The following ALK variants were observed in gnomAD, a reference collection of about 807,000 sequenced individuals.
The protein encoded by ALK is ALK tyrosine kinase receptor.
ALK carries 74 observed loss-of-function variants against 163.1 expected under a neutral mutation model. The observed-to-expected ratio is 0.45, with a 90% CI of 0.38 to 0.55. The LOEUF is 0.55. Among genes scored for constraint, ALK ranks in the 20% least tolerant of loss-of-function variants. The pLI is 0.00. For synonymous variants in ALK, 960 were observed against 843.2 expected (o/e 1.14, Z -2.40); for missense variants, 2,063 against 2,105.3 (o/e 0.98, Z 0.39).
chr2:29,346,466 C>T (rs1161645792), intron 5 of ALK, among the ~76,000 whole-genome samples: 2 of 152,210 alleles, frequency 1.3e-5, no homozygotes, highest in Admixed American at 6.5e-5. Flanking sequence ...CAGGCCTGGG[C>T]CACCAAGCTG....
At chr2:29,405,449 G>A (rs770544391) in intron 4 of ALK, among the ~76,000 whole-genome samples, 9 of 152,162 alleles carry the variant, frequency 5.9e-5, no homozygotes, top group Non-Finnish European at 1.0e-4. Context: ...GGAGCTCTGC[G>A]GTGGGTGGAA....
chr2:29,239,460 A>C (rs1384310992), intron 13 of ALK, among the ~76,000 whole-genome samples: 1 of 152,038 alleles, frequency 6.6e-6, no homozygotes, highest in Non-Finnish European at 1.5e-5. Context: ...AGTTCCTGCT[A>C]GGATGGCCAG....
intron 5 of ALK, among the ~76,000 whole-genome samples, chr2:29,379,186 G>A (rs908151736): frequency 6.6e-6 from 1 of 152,192 alleles, no homozygotes; most frequent in East Asian, 1.9e-4. Flanking sequence ...TTCCCTGGGA[G>A]CCCAGGCATG....
intron 3 of ALK, among the ~76,000 whole-genome samples, chr2:29,616,982 ACACCTGGTGAATATGTACAGTGATATT>A (rs1328537155): frequency 6.6e-6 from 1 of 152,186 alleles, no homozygotes; most frequent in African/African-American, 2.4e-5. Flanking sequence ...GCCTTCCTCC[ACACCTGGTGAATATGTACAGTGATATT>A]CACCTGGTGA....
chr2:29,389,209 CA>C (rs1192765811), intron 4 of ALK, among the ~76,000 whole-genome samples: 5 of 152,178 alleles, frequency 3.3e-5, no homozygotes, highest in African/African-American at 9.7e-5. Flanking sequence ...AAAGAATAAA[CA>C]TAGGTACCAA....
In ALK at chr2:29,246,881, G is replaced by A. The variant is rs1194282605; in HGVS notation, c.2204+4224C>T. 6.6e-6 allele frequency among the ~76,000 whole-genome samples: 1 copy of A among 152,134 alleles called. No individual in the cohort carries two copies. The highest frequency in any genetic ancestry group is 1.5e-5 in the Non-Finnish European group (1 of 68,028). ...CCCTCATGCTTTCACCAGGGGGAGC[G>A]AGAGGCCTTTTGGGGGGTAACACTG... is the stretch of plus-strand genomic sequence containing the variant. On this transcript the variant is annotated intron_variant, in intron 12 of 28. Coordinates refer to ENST00000389048, the MANE Select transcript of ALK (RefSeq NM_004304.5). The surrounding 1 kb of genome is among the most constrained non-coding windows in gnomAD (Gnocchi z 4.3).
chr2:29,553,867 C>T (rs1673776239), intron 3 of ALK, among the ~76,000 whole-genome samples: 1 of 152,076 alleles, frequency 6.6e-6, no homozygotes, highest in Admixed American at 6.6e-5. Flanking sequence ...TGTGAATTGT[C>T]TGTTTTTTTT....
chr2:29,743,549 T>C (rs139264499), intron 1 of ALK, among the ~76,000 whole-genome samples: 1 of 152,364 alleles, frequency 6.6e-6, no homozygotes, highest in Non-Finnish European at 1.5e-5. Flanking sequence ...TTGTCATTAG[T>C]GAGCCCCTGA....
At chr2:29,830,744 AAAAAAAAAAC>A (rs1339016185) in intron 1 of ALK, among the ~76,000 whole-genome samples, 3 of 100,140 alleles carry the variant, frequency 3.0e-5, no homozygotes, top group Non-Finnish European at 4.2e-5. Flanking sequence ...AAAAAAAAAA[AAAAAAAAAAC>A]TTAGCCAAGC....
At chr2:29,698,490 C>T (rs762765645) in intron 2 of ALK, among the ~76,000 whole-genome samples, 55 of 152,310 alleles carry the variant, frequency 3.6e-4, no homozygotes, top group Non-Finnish European at 7.2e-4. Flanking sequence ...CCCAAAGCTT[C>T]GACTTCTGCG....
intron 1 of ALK, among the ~76,000 whole-genome samples, chr2:29,738,404 T>C (rs563939908): frequency 2.0e-5 from 3 of 152,238 alleles, no homozygotes; most frequent in Non-Finnish European, 2.9e-5. Context: ...CTTCCACATT[T>C]ATGTCTTGAT....
intron 13 of ALK, among the ~76,000 whole-genome samples, chr2:29,236,820 A>C (rs1212927251): frequency 6.6e-6 from 1 of 152,130 alleles, no homozygotes; most frequent in Non-Finnish European, 1.5e-5. Flanking sequence ...CATCCTAGGC[A>C]ATCTCATCCT....
chr2:29,326,191 T>C (rs1223395519), intron 6 of ALK, among the ~76,000 whole-genome samples: 6 of 151,996 alleles, frequency 3.9e-5, no homozygotes, highest in Non-Finnish European at 7.4e-5. Flanking sequence ...GTGCCTGAAG[T>C]AGACTGCCCT....
At chr2:29,796,255 A>C (rs1664307413) in intron 1 of ALK, among the ~76,000 whole-genome samples, 2 of 152,212 alleles carry the variant, frequency 1.3e-5, no homozygotes, top group South Asian at 4.1e-4. Flanking sequence ...AGCCAGAAGC[A>C]CATTTACTGT....
At chr2:29,257,467 A>G (rs755696541) in intron 11 of ALK, among the ~76,000 whole-genome samples, 3 of 152,026 alleles carry the variant, frequency 2.0e-5, no homozygotes, top group Non-Finnish European at 4.4e-5. Flanking sequence ...TAAACAGTAC[A>G]TCGCTAAAAA....
At chr2:29,290,138 G>C (rs1314674065) in intron 9 of ALK, among the ~76,000 whole-genome samples, 1 of 152,224 alleles carries the variant, frequency 6.6e-6, no homozygotes, top group Non-Finnish European at 1.5e-5. Flanking sequence ...GTCTCGTGAA[G>C]TGAAAGGAGG....
At chr2:29,744,227 G>A (rs544228471) in intron 1 of ALK, among the ~76,000 whole-genome samples, 1 of 152,174 alleles carries the variant, frequency 6.6e-6, no homozygotes, top group African/African-American at 2.4e-5. Flanking sequence ...CAGGATGTTA[G>A]TGGAAGAAAT....
At chr2:29,627,306 T>C (rs1008293283) in intron 3 of ALK, among the ~76,000 whole-genome samples, 1 of 152,184 alleles carries the variant, frequency 6.6e-6, no homozygotes, top group African/African-American at 2.4e-5. Context: ...AACACAATCA[T>C]TCCATGCATT....
At chr2:29,842,888 A>G (rs1209646294) in intron 1 of ALK, among the ~76,000 whole-genome samples, 4 of 152,306 alleles carry the variant, frequency 2.6e-5, no homozygotes, top group Admixed American at 2.0e-4. Flanking sequence ...TAGGCTTCCC[A>G]TCTTCCTCGG....
Sources: gnomAD v4.1 joint callset for allele counts (sites outside exome capture counted in the v4.1 genomes callset) on GRCh38, gnomAD v4.1.1 for gene constraint, Gnocchi (gnomAD v3.1) non-coding constraint, MANE v1.5 for transcripts, NCBI Gene and HGNC (gene_info 2026-07-23, HGNC 2026-07-21) for gene names.